The following CNOT4 variants were observed in gnomAD, a reference collection of about 807,000 sequenced individuals.
The protein encoded by CNOT4 is CCR4-associated factor 4.
In CNOT4, 8 loss-of-function variants were observed where a neutral mutation model predicts 73.8. That is an observed-to-expected ratio of 0.11 (90% CI 0.06 to 0.20). The LOEUF (loss-of-function observed/expected upper bound fraction) is 0.20. Among genes scored for constraint, CNOT4 ranks in the 10% least tolerant of loss-of-function variants. CNOT4 has a pLI of 1.00. For missense variants in CNOT4, 564 were observed against 883.4 expected (o/e 0.64, Z 4.58); for synonymous variants, 293 against 321.1 (o/e 0.91, Z 0.94).
At chr7:135,480,284 T>C (rs1041711714) in intron 1 of CNOT4, among the ~76,000 whole-genome samples, 1 of 152,220 alleles carries the variant, frequency 6.6e-6, no homozygotes, top group Non-Finnish European at 1.5e-5. Context: ...AACTTGATCA[T>C]AATCATTGAT....
intron 2 of CNOT4, among the ~76,000 whole-genome samples, chr7:135,437,748 AT>A (rs1001493252): frequency 3.2e-4 from 49 of 152,312 alleles, no homozygotes; most frequent in African/African-American, 1.1e-3. Context: ...CTTCTCTCCT[AT>A]TTTGTACTAG....
chr7:135,396,107 CTTTTT>C (rs71174519), intron 8 of CNOT4, among the ~76,000 whole-genome samples: 1 of 95,432 alleles, frequency 1.0e-5, no homozygotes, highest in African/African-American at 4.6e-5. Context: ...ACTAGTCTCC[CTTTTT>C]TTTTTTTTTT....
intron 1 of CNOT4, among the ~76,000 whole-genome samples, chr7:135,481,486 C>T (rs1169179904): frequency 6.6e-6 from 1 of 152,140 alleles, no homozygotes; most frequent in Non-Finnish European, 1.5e-5. Context: ...AACTCTTAAA[C>T]ACTGTTGGTG....
At position 135,462,203 on chromosome 7, in the gene CNOT4, T is replaced by G. The variant is rs1299810427; in HGVS notation, c.-92-23780A>C. Among the ~76,000 whole-genome samples, 4 of 152,234 alleles carry G rather than the reference T, an allele frequency of 2.6e-5. No homozygotes were observed. In the East Asian group the frequency reaches 7.7e-4, roughly 29 times the overall value. On this transcript the variant is annotated intron_variant, in intron 1 of 11. Coordinates refer to ENST00000541284, the MANE Select transcript of CNOT4 (RefSeq NM_001190850.2). ...AAGACTAACAGAGAATTCTACAACT[T>G]TTATAATATTACCAACTTCAGCAGA... is the stretch of plus-strand genomic sequence containing the variant.
chr7:135,395,125 T>C (rs972264021), intron 9 of CNOT4, among the ~76,000 whole-genome samples: 6 of 152,176 alleles, frequency 3.9e-5, no homozygotes, highest in African/African-American at 2.4e-5. Flanking sequence ...CAGTGCTTCA[T>C]GCCTGTAATC....
At chr7:135,387,231 G>C (rs1329397642) in intron 10 of CNOT4, 8 of 984,644 alleles carry the variant, frequency 8.1e-6, no homozygotes, top group Non-Finnish European at 9.6e-6. Flanking sequence ...GTCACTTCTA[G>C]ATAGAAATTA....
chr7:135,482,553 A>G (rs1390881981), intron 1 of CNOT4, among the ~76,000 whole-genome samples: 2 of 152,118 alleles, frequency 1.3e-5, no homozygotes, highest in Non-Finnish European at 2.9e-5. Context: ...CCCTGTATCA[A>G]AAAAAGAAAG....
chr7:135,440,236 A>G (rs1425697030), intron 1 of CNOT4, among the ~76,000 whole-genome samples: 43 of 151,548 alleles, frequency 2.8e-4, no homozygotes, highest in African/African-American at 9.2e-4. Context: ...AAAAAAAAAA[A>G]AGAGACAAGA....
intron 2 of CNOT4, among the ~76,000 whole-genome samples, chr7:135,437,110 G>A (rs185754972): frequency 6.6e-5 from 10 of 152,144 alleles, no homozygotes; most frequent in Non-Finnish European, 1.3e-4. Context: ...TAATTGTGTC[G>A]CTGGTGCTTA....
chr7:135,462,342 C>A (rs1446232785), intron 1 of CNOT4, among the ~76,000 whole-genome samples: 1 of 152,132 alleles, frequency 6.6e-6, no homozygotes, highest in Non-Finnish European at 1.5e-5. Context: ...AATTAACCTA[C>A]CAGTTCTGTC....
intron 7 of CNOT4, among the ~76,000 whole-genome samples, chr7:135,406,707 G>A (rs1044736364): frequency 6.6e-6 from 1 of 151,874 alleles, no homozygotes; most frequent in African/African-American, 2.4e-5. Context: ...ACTGGCTTTG[G>A]GCAAAATTAG....
intron 2 of CNOT4, among the ~76,000 whole-genome samples, chr7:135,436,706 T>C (rs892174890): frequency 2.0e-5 from 3 of 151,310 alleles, no homozygotes; most frequent in African/African-American, 4.8e-5. Flanking sequence ...GTATAAACTA[T>C]ATTAACATTG....
At chr7:135,442,644 A>G (rs956890252) in intron 1 of CNOT4, among the ~76,000 whole-genome samples, 1 of 152,204 alleles carries the variant, frequency 6.6e-6, no homozygotes, top group Non-Finnish European at 1.5e-5. Context: ...CATTCAAATA[A>G]TAAGATTTAA....
intron 7 of CNOT4, among the ~76,000 whole-genome samples, chr7:135,403,654 A>G (rs558695987): frequency 6.6e-6 from 1 of 152,344 alleles, no homozygotes; most frequent in African/African-American, 2.4e-5. Flanking sequence ...TATTAAACCT[A>G]GAACGATTGT....
intron 1 of CNOT4, among the ~76,000 whole-genome samples, chr7:135,485,969 T>C (rs1239857498): frequency 6.6e-6 from 1 of 152,140 alleles, no homozygotes; most frequent in Non-Finnish European, 1.5e-5. Context: ...ACTCTGTGAA[T>C]AACCCTACAA....
Position 135,362,465 on chromosome 7 carries a change from C to T in CNOT4, c.*420G>A, listed in dbSNP as rs1053561098. 2.3e-5 allele frequency: 7 copies of T among 309,812 alleles called. No individual in the cohort carries two copies. The East Asian group carries it at 2.6e-4, about 11-fold the overall frequency. The allele number at this position is 309,812 out of a possible 1,614,324, so 19.2% of individuals were successfully genotyped here. On this transcript the variant is annotated 3_prime_UTR_variant, in exon 12 of 12. Transcript: ENST00000541284. ...TTCCCCCATGCATTTAGCAATCTCA[C>T]GTAAATGAACCTGGTTTTCAAACTT...
chr7:135,362,204 T>A lies in CNOT4; in HGVS notation c.*681A>T, dbSNP rs548676610. 1 of 152,622 alleles carries A rather than the reference T, an allele frequency of 6.6e-6. No homozygotes were observed. The highest frequency in any genetic ancestry group is 2.4e-5 in the African/African-American group (1 of 41,530). 9.5% of individuals were successfully genotyped at this position (152,622 alleles called of 1,614,324 possible). A position where few individuals can be genotyped will look rare whatever the true frequency, so the allele number is the denominator to read the frequency against. On this transcript the variant is annotated 3_prime_UTR_variant, in exon 12 of 12. Coordinates refer to ENST00000541284, the MANE Select transcript of CNOT4 (RefSeq NM_001190850.2). ...TTACTTTAAATCTAAAGCCAAAAAATTTTTCTCCTTTAAAAAAATTACTTC... is the reference window on the plus strand; with the variant it reads ...TTACTTTAAATCTAAAGCCAAAAAAATTTTCTCCTTTAAAAAAATTACTTC...
chr7:135,406,612 G>A (rs1199184170), intron 7 of CNOT4, among the ~76,000 whole-genome samples: 2 of 152,094 alleles, frequency 1.3e-5, no homozygotes, highest in African/African-American at 2.4e-5. Flanking sequence ...AGTGAGCTAC[G>A]ATTACACCAC....
In CNOT4 at chr7:135,403,862, T is replaced by C. The variant is rs141700695; in HGVS notation, c.822-5636A>G. Among the ~76,000 whole-genome samples the C allele has an allele frequency of 5.6e-4, 85 of 152,342 alleles. No individual in the cohort carries two copies. In the East Asian group the frequency reaches 0.013, roughly 22 times the overall value. On this transcript the variant is annotated intron_variant, in intron 7 of 11. Coordinates refer to ENST00000541284, the MANE Select transcript of CNOT4 (RefSeq NM_001190850.2). The stretch of plus-strand genomic sequence containing the variant: ...TTCAAAAACAGCAAGTCTCCACTTA[T>C]TCATAAATTCTGTATTTCAGTAATA...
Sources: allele counts gnomAD v4.1 joint callset (sites outside exome capture counted in the v4.1 genomes callset), GRCh38; gene constraint gnomAD v4.1.1; transcripts MANE v1.5; gene names NCBI Gene and HGNC (gene_info 2026-07-23, HGNC 2026-07-21).